Variants in PPP2R3A observed in about 807,000 individuals in gnomAD.
The protein encoded by PPP2R3A is protein phosphatase 2 regulatory subunit B''alpha.
Under a neutral mutation model 106.9 loss-of-function variants are expected in PPP2R3A, and 80 were observed. The observed-to-expected ratio is 0.75, with a 90% CI of 0.62 to 0.90. The LOEUF is 0.90. Ranked by LOEUF, PPP2R3A falls within the 40% of genes least tolerant of loss-of-function variation. The pLI is 0.00. For synonymous variants in PPP2R3A, 483 were observed against 468.3 expected, an observed-to-expected ratio of 1.03 and a Z score of -0.41; for missense variants, 1,386 against 1,350.4, an observed-to-expected ratio of 1.03 and a Z score of -0.41.
At chr3:136,122,097 A>G (rs1208919129) in intron 13 of PPP2R3A, among the ~76,000 whole-genome samples, 1 of 152,238 alleles carries the variant, frequency 6.6e-6, no homozygotes, top group Non-Finnish European at 1.5e-5. Flanking sequence ...GGATATGGAC[A>G]GGAAGAAATT....
intron 13 of PPP2R3A, among the ~76,000 whole-genome samples, chr3:136,114,850 C>T (rs923951350): frequency 3.3e-5 from 5 of 152,122 alleles, no homozygotes; most frequent in Non-Finnish European, 1.5e-5. Context: ...CAACTGTGGG[C>T]GCAGCTTCAA....
chr3:136,106,288 G>A lies in PPP2R3A; in HGVS notation c.3295G>A (p.Ala1099Thr), dbSNP rs956975345. The change falls in exon 13 of 14, where the codon GCA (alanine) becomes ACA (threonine). Residue 1099 changes from alanine (A) to threonine (T), a missense_variant. Ala to Thr is a moderately conservative substitution (Grantham distance 58). Transcript: ENST00000264977. ...FAAEEYETLV[A>T]EESAQAQFQE... ...CGCTGAGGAGTATGAGACGCTTGTTGCAGAGGAATCTGCCCAAGCACAATT... is the reference window on the plus strand; with the variant it reads ...CGCTGAGGAGTATGAGACGCTTGTTACAGAGGAATCTGCCCAAGCACAATT... 1.1e-5 allele frequency: 17 copies of A among 1,613,882 alleles called. No homozygotes were observed. Among genetic ancestry groups the A allele is most frequent in the Non-Finnish European group, 1.4e-5 (17 of 1,179,930 alleles).
rs189395559 is a variant in PPP2R3A at position 136,128,341 on chromosome 3, A to G, written c.3330-16702A>G. On this transcript the variant is annotated intron_variant, in intron 13 of 13. Transcript: ENST00000264977. ...AAGATCTACCAAGCAAATGGAAAGC[A>G]AAAAAAAAAAAAAGGAGGGGTTGCA... is the stretch of plus-strand genomic sequence containing the variant. 6.7e-3 allele frequency among the ~76,000 whole-genome samples: 885 copies of G among 131,890 alleles called. 4 individuals are homozygous for G. Among genetic ancestry groups the G allele is most frequent in the Non-Finnish European group, 9.2e-3 (586 of 63,968 alleles). 86.5% of individuals were successfully genotyped at this position (131,890 alleles called of 152,430 possible). A position where few individuals can be genotyped will look rare whatever the true frequency, so the allele number is the denominator to read the frequency against.
chr3:136,073,267 A>G (rs957543985), intron 6 of PPP2R3A, among the ~76,000 whole-genome samples: 3 of 152,172 alleles, frequency 2.0e-5, no homozygotes, highest in Admixed American at 6.5e-5. Context: ...GCACCCAGCC[A>G]TCCCCAGGAA....
rs539789982 is a variant in PPP2R3A at position 136,064,379 on chromosome 3, G to C, written c.2470-6099G>C. Among the ~76,000 whole-genome samples, 104 of 151,778 alleles carry C rather than the reference G, an allele frequency of 6.9e-4. 1 individual carries two copies. The highest frequency in any genetic ancestry group is 3.4e-3 in the Middle Eastern group (1 of 294). ...ACATGTATACATATGTAACTAACCT[G>C]CACGTTGCGCACATGTACCCTAAAA... On this transcript the variant is annotated intron_variant, in intron 5 of 13. Coordinates refer to ENST00000264977, the MANE Select transcript of PPP2R3A (RefSeq NM_002718.5).
chr3:136,126,011 AAGG>A (rs1938166629), intron 13 of PPP2R3A, among the ~76,000 whole-genome samples: 1 of 152,216 alleles, frequency 6.6e-6, no homozygotes, highest in South Asian at 2.1e-4. Context: ...AAAGAAAAAA[AAGG>A]AGGGGCGTTC....
chr3:136,009,034 T>C (rs1199024856), intron 2 of PPP2R3A, among the ~76,000 whole-genome samples: 1 of 151,782 alleles, frequency 6.6e-6, no homozygotes, highest in Non-Finnish European at 1.5e-5. Flanking sequence ...CTTCCAACCC[T>C]CCCAACTCCT....
intron 2 of PPP2R3A, among the ~76,000 whole-genome samples, chr3:136,005,319 T>A (rs115555338): frequency 0.021 from 3,260 of 152,284 alleles, 125 homozygotes; most frequent in African/African-American, 0.073. Context: ...ATTCTAAATC[T>A]AAAACACTTC....
intron 4 of PPP2R3A, among the ~76,000 whole-genome samples, chr3:136,046,500 G>C (rs1451743959): frequency 6.7e-6 from 1 of 150,346 alleles, no homozygotes; most frequent in Non-Finnish European, 1.5e-5. Flanking sequence ...ACAGAGCCTT[G>C]GCCCTCTGAA....
chr3:135,999,141 G>T (rs1933518031), intron 1 of PPP2R3A, among the ~76,000 whole-genome samples: 3 of 152,300 alleles, frequency 2.0e-5, no homozygotes, highest in East Asian at 1.9e-4. Context: ...AGTAGGAAAT[G>T]TTTGATAAGT....
chr3:135,988,998 C>T (rs986264888), intron 1 of PPP2R3A, among the ~76,000 whole-genome samples: 4 of 152,014 alleles, frequency 2.6e-5, no homozygotes, highest in Non-Finnish European at 5.9e-5. Context: ...TTACATTTTT[C>T]CCTTCGTGGT....
chr3:136,132,010 CA>C (rs1478501325), intron 13 of PPP2R3A, among the ~76,000 whole-genome samples: 7 of 56,058 alleles, frequency 1.2e-4, no homozygotes, highest in Non-Finnish European at 1.9e-4. Flanking sequence ...CAGGGCCTGT[CA>C]GGGGGTGGGG....
intron 4 of PPP2R3A, 66 bp downstream of exon 4, chr3:136,041,028 T>TA: frequency 7.5e-7 from 1 of 1,331,318 alleles, no homozygotes; most frequent in Non-Finnish European, 1.0e-6. Flanking sequence ...ACATGCTTTC[T>TA]AAAGGTCACC....
Position 136,028,716 on chromosome 3 carries a change from G to A in PPP2R3A, c.2262+1618G>A, listed in dbSNP as rs537767685. 2.6e-5 allele frequency among the ~76,000 whole-genome samples: 4 copies of A among 152,354 alleles called. No homozygotes were observed. The South Asian group carries it at 8.3e-4, about 32-fold the overall frequency. Reference sequence around the variant, plus strand: ...ACAGAACCCTGATGATAAAATTTCTGAATGGGCTGGAACTATGGCTGTAAA... The same window carrying A: ...ACAGAACCCTGATGATAAAATTTCTAAATGGGCTGGAACTATGGCTGTAAA... On this transcript the variant is annotated intron_variant, in intron 3 of 13. Coordinates refer to ENST00000264977, the MANE Select transcript of PPP2R3A (RefSeq NM_002718.5).
At chr3:135,973,613 T>G (rs1937308231) in intron 1 of PPP2R3A, among the ~76,000 whole-genome samples, 1 of 152,328 alleles carries the variant, frequency 6.6e-6, no homozygotes, top group Non-Finnish European at 1.5e-5. Context: ...GGAATGTCTA[T>G]TCTAGGTGTT....
At chr3:136,083,145 C>T (rs1422091689) in intron 8 of PPP2R3A, among the ~76,000 whole-genome samples, 2 of 152,140 alleles carry the variant, frequency 1.3e-5, no homozygotes, top group East Asian at 1.9e-4. Flanking sequence ...CCCTAAGTAG[C>T]TGGGACTACA....
intron 2 of PPP2R3A, among the ~76,000 whole-genome samples, chr3:136,022,583 C>T (rs1281199447): frequency 6.6e-6 from 1 of 152,080 alleles, no homozygotes; most frequent in East Asian, 1.9e-4. Context: ...GTTCTACATA[C>T]TCTTTTTCTT....
rs776634038 is a variant in PPP2R3A at position 136,002,386 on chromosome 3, C to T, written c.888C>T (p.Phe296=). 2.5e-6 allele frequency: 4 copies of T among 1,613,910 alleles called. No homozygotes were observed. The highest frequency in any genetic ancestry group is 3.4e-6 in the Non-Finnish European group (4 of 1,179,940). ...ATCTGAAAAAGTTACCATTTGAATT[C>T]ATGCAGTCTGGGAATAATGAGGCTC... ...ASYLKKLPFE[F]MQSGNNEALD... Residue 296 remains phenylalanine, a synonymous_variant, in exon 2 of 14, where the codon TTC becomes TTT. Transcript: ENST00000264977.
At chr3:135,983,637 A>G (rs751263076) in intron 1 of PPP2R3A, among the ~76,000 whole-genome samples, 1 of 152,178 alleles carries the variant, frequency 6.6e-6, no homozygotes, top group Admixed American at 6.5e-5. Context: ...GTTCTTCCAC[A>G]TTTAGAGCCT....
Sources: allele counts gnomAD v4.1 joint callset (sites outside exome capture counted in the v4.1 genomes callset), GRCh38; gene constraint gnomAD v4.1.1; transcripts MANE v1.5; gene names NCBI Gene and HGNC (gene_info 2026-07-23, HGNC 2026-07-21).